KIF6: variants seen among roughly 807,000 people sequenced by gnomAD.
KIF6 encodes kinesin-like protein KIF6.
In KIF6, 106 loss-of-function variants were observed where a neutral mutation model predicts 112.7. That is an observed-to-expected ratio of 0.94 (90% CI 0.80 to 1.11). KIF6 has a LOEUF of 1.11. KIF6 is among the 50% of genes least tolerant of loss of function. KIF6 has a pLI of 0.00. For missense variants in KIF6, 929 were observed against 964.0 expected (o/e 0.96, Z 0.48); for synonymous variants, 339 against 339.9 (o/e 1.00, Z 0.03).
In KIF6 at chr6:39,694,513, G is replaced by A. The variant is rs145947889; in HGVS notation, c.251+20179C>T. Among the ~76,000 whole-genome samples, 974 of 152,098 alleles carry A rather than the reference G, an allele frequency of 6.4e-3. 3 individuals carry two copies. Among genetic ancestry groups the A allele is most frequent in the Non-Finnish European group, 0.01 (703 of 67,994 alleles). Reference sequence around the variant, plus strand: ...ATATACAAAAATCACTATCATTTCTGTACACCAATAACATTCAAGCTGAGA... The same window carrying A: ...ATATACAAAAATCACTATCATTTCTATACACCAATAACATTCAAGCTGAGA... On this transcript the variant is annotated intron_variant, in intron 3 of 22. Coordinates refer to ENST00000287152, the MANE Select transcript of KIF6 (RefSeq NM_145027.6).
At chr6:39,562,350 G>A (rs1282593634) in intron 10 of KIF6, among the ~76,000 whole-genome samples, 1 of 152,192 alleles carries the variant, frequency 6.6e-6, no homozygotes, top group African/African-American at 2.4e-5. Context: ...TTTCCTACCA[G>A]AGGAGACATG....
chr6:39,500,252 A>G (rs140065731), intron 13 of KIF6, among the ~76,000 whole-genome samples: 285 of 152,340 alleles, frequency 1.9e-3, no homozygotes, highest in African/African-American at 6.4e-3. Flanking sequence ...GAATGGACAC[A>G]AAGAAACCAG....
chr6:39,460,947 CA>C (rs1432220161), intron 13 of KIF6, among the ~76,000 whole-genome samples: 4 of 152,194 alleles, frequency 2.6e-5, no homozygotes, highest in Non-Finnish European at 4.4e-5. Context: ...AATTTCAGTT[CA>C]AATGCTATCT....
rs1762774733 is a variant in KIF6, at chr6:39,332,338, T to C, written c.*4194A>G. ...TTATTTTTTAATGGACACCAGACAT[T>C]GTGGATTCTATATTGTTGGATGCTG... is the stretch of plus-strand genomic sequence containing the variant. On this transcript the variant is annotated 3_prime_UTR_variant, in exon 23 of 23. Coordinates refer to ENST00000287152, the MANE Select transcript of KIF6 (RefSeq NM_145027.6). 6.6e-6 allele frequency: 1 copy of C among 152,230 alleles called. No individual in the cohort carries two copies. Among genetic ancestry groups the C allele is most frequent in the Non-Finnish European group, 1.5e-5 (1 of 68,040 alleles). 9.4% of individuals were successfully genotyped at this position (152,230 alleles called of 1,614,324 possible). A position where few individuals can be genotyped will look rare whatever the true frequency, so the allele number is the denominator to read the frequency against.
At chr6:39,561,407 G>A (rs1401211842) in intron 10 of KIF6, among the ~76,000 whole-genome samples, 3 of 151,730 alleles carry the variant, frequency 2.0e-5, no homozygotes, top group East Asian at 1.9e-4. Context: ...GCTGGAGTGC[G>A]TTGGTATGAT....
At chr6:39,504,835 C>T (rs1776343063) in intron 13 of KIF6, among the ~76,000 whole-genome samples, 2 of 152,076 alleles carry the variant, frequency 1.3e-5, no homozygotes, top group African/African-American at 4.8e-5. Flanking sequence ...AACCACTGAT[C>T]AAAGAAATCA....
chr6:39,472,635 T>C (rs532024204), intron 13 of KIF6, among the ~76,000 whole-genome samples: 214 of 152,288 alleles, frequency 1.4e-3, no homozygotes, highest in African/African-American at 5.0e-3. Flanking sequence ...CATATTCCAA[T>C]GTGATACTCT....
At chr6:39,674,019 A>T (rs1356355526) in intron 3 of KIF6, among the ~76,000 whole-genome samples, 4 of 152,164 alleles carry the variant, frequency 2.6e-5, no homozygotes, top group African/African-American at 9.6e-5. Flanking sequence ...CTTTTGGGGA[A>T]ATATAAGGTT....
intron 13 of KIF6, among the ~76,000 whole-genome samples, chr6:39,471,964 C>G (rs1181940993): frequency 6.6e-6 from 1 of 152,176 alleles, no homozygotes; most frequent in Non-Finnish European, 1.5e-5. Context: ...CTGAAGTACC[C>G]GTGGCACTTA....
At chr6:39,625,965 T>A (rs1453108308) in intron 5 of KIF6, among the ~76,000 whole-genome samples, 1 of 152,102 alleles carries the variant, frequency 6.6e-6, no homozygotes, top group Non-Finnish European at 1.5e-5. Context: ...CCAAAGAGAT[T>A]TAGGGCAGGG....
intron 9 of KIF6, among the ~76,000 whole-genome samples, chr6:39,578,579 C>G (rs527939843): frequency 6.6e-6 from 1 of 152,258 alleles, no homozygotes; most frequent in Middle Eastern, 3.4e-3. Context: ...GATCCACCCA[C>G]CCTGGCCTCC....
At chr6:39,377,492 G>T in intron 16 of KIF6, among the ~76,000 whole-genome samples, 1 of 152,166 alleles carries the variant, frequency 6.6e-6, no homozygotes. Flanking sequence ...TGACAGTCTG[G>T]CCTTTTGCTT....
chr6:39,543,152 T>C lies in KIF6; in HGVS notation c.1426+1403A>G, dbSNP rs571491259. Among the ~76,000 whole-genome samples, 8 of 152,298 alleles carry C rather than the reference T, an allele frequency of 5.3e-5. No individual in the cohort carries two copies. The East Asian group carries it at 7.7e-4, about 15-fold the overall frequency. ...TCATCCCTCCTATATGCACAGACATTCATAAGCCCAGAAGGGGATTAAGAA... is the reference window on the plus strand; with the variant it reads ...TCATCCCTCCTATATGCACAGACATCCATAAGCCCAGAAGGGGATTAAGAA... On this transcript the variant is annotated intron_variant, in intron 12 of 22. Coordinates refer to ENST00000287152, the MANE Select transcript of KIF6 (RefSeq NM_145027.6).
intron 6 of KIF6, 71 bp from the exon 7 acceptor site, chr6:39,596,331 A>G (rs988207773): frequency 9.2e-7 from 1 of 1,081,190 alleles, no homozygotes; most frequent in African/African-American, 1.6e-5. Flanking sequence ...AAGATTTAAA[A>G]TAATATTTCT....
chr6:39,492,512 A>G lies in KIF6; in HGVS notation c.1645+47491T>C, dbSNP rs544786424. On this transcript the variant is annotated intron_variant, in intron 13 of 22. Transcript: ENST00000287152. The stretch of plus-strand genomic sequence containing the variant: ...AAGGGATGCCCCAAAGACTGCAACC[A>G]AGGACTCAGAGGGCAAAGCCAAGAA... 7.2e-4 allele frequency among the ~76,000 whole-genome samples: 110 copies of G among 152,320 alleles called. No individual in the cohort carries two copies. The Middle Eastern group carries it at 0.01, about 14-fold the overall frequency.
chr6:39,426,452 C>G (rs1770771915), intron 14 of KIF6, among the ~76,000 whole-genome samples: 1 of 152,150 alleles, frequency 6.6e-6, no homozygotes, highest in Non-Finnish European at 1.5e-5. Context: ...AAAAACCTTT[C>G]TATTAAGTAA....
chr6:39,346,145 C>G (rs1763783700), intron 20 of KIF6, among the ~76,000 whole-genome samples: 2 of 135,216 alleles, frequency 1.5e-5, no homozygotes, highest in African/African-American at 2.7e-5. Flanking sequence ...CTCTCTCTCT[C>G]TCTCTCTCTC....
In KIF6 at chr6:39,349,631, C is replaced by CTTTTTTTTTTTTTTTTTTT. The variant is rs58810898; in HGVS notation, c.2181-3124_2181-3106dup. On this transcript the variant is annotated intron_variant, in intron 19 of 22. Coordinates refer to ENST00000287152, the MANE Select transcript of KIF6 (RefSeq NM_145027.6). ...GAAGGTCTAGGTTTAATTTGTGGCT[C>CTTTTTTTTTTTTTTTTTTT]TTTTTTTTTTTTTTTTTTTTTTTTT... Among the ~76,000 whole-genome samples, 28 of 64,564 alleles carry CTTTTTTTTTTTTTTTTTTT rather than the reference C, an allele frequency of 4.3e-4. 2 individuals are homozygous for CTTTTTTTTTTTTTTTTTTT. The highest frequency in any genetic ancestry group is 7.8e-4 in the East Asian group (1 of 1,274). The allele number at this position is 64,564 out of a possible 152,430, so 42.4% of individuals were successfully genotyped here. A position where few individuals can be genotyped will look rare whatever the true frequency, so the allele number is the denominator to read the frequency against.
chr6:39,719,139 T>C (rs302580), intron 2 of KIF6, among the ~76,000 whole-genome samples: 146,106 of 152,166 alleles, frequency 0.96, 70,377 homozygotes, highest in East Asian at 1. Context: ...GCCCACATGG[T>C]GAAACCCTGT....
Sources: allele counts gnomAD v4.1 joint callset (sites outside exome capture counted in the v4.1 genomes callset), GRCh38; gene constraint gnomAD v4.1.1; transcripts MANE v1.5; gene names NCBI Gene and HGNC (gene_info 2026-07-23, HGNC 2026-07-21).